MAGI2: variants seen among roughly 807,000 people sequenced by gnomAD.
MAGI2 encodes membrane associated guanylate kinase, WW and PDZ domain containing 2.
Under a neutral mutation model 133.3 loss-of-function variants are expected in MAGI2, and 35 were observed. That is an observed-to-expected ratio of 0.26 (90% CI 0.20 to 0.35). The LOEUF (loss-of-function observed/expected upper bound fraction) is 0.35, where lower values mean the gene tolerates loss of function less well. Among genes scored for constraint, MAGI2 ranks in the 10% least tolerant of loss-of-function variants. MAGI2 has a pLI of 1.00. For missense variants in MAGI2, 1,636 were observed against 1,863.4 expected, an observed-to-expected ratio of 0.88 and a Z score of 2.25; for synonymous variants, 729 against 710.6, an observed-to-expected ratio of 1.03 and a Z score of -0.41.
chr7:78,256,764 C>G (rs557484615), intron 9 of MAGI2, among the ~76,000 whole-genome samples, 183 bp from the exon 10 acceptor site: 1 of 152,158 alleles, frequency 6.6e-6, no homozygotes, highest in Non-Finnish European at 1.5e-5. Context: ...CCAGCAAATA[C>G]AATGATGAAG....
At chr7:78,918,128 G>A (rs1798943240) in intron 2 of MAGI2, among the ~76,000 whole-genome samples, 1 of 151,948 alleles carries the variant, frequency 6.6e-6, no homozygotes, top group Admixed American at 6.6e-5. Flanking sequence ...TACAAACTTG[G>A]GTATGATTTA....
intron 3 of MAGI2, among the ~76,000 whole-genome samples, chr7:78,597,196 AG>A (rs973541477): frequency 2.0e-5 from 3 of 152,192 alleles, no homozygotes; most frequent in Admixed American, 6.5e-5. Context: ...GCCTTTAACT[AG>A]TTATATAAGA....
At chr7:78,284,089 A>G (rs1376654601) in intron 9 of MAGI2, among the ~76,000 whole-genome samples, 1 of 152,152 alleles carries the variant, frequency 6.6e-6, no homozygotes. Context: ...TGTGTCTAAA[A>G]CAGCACAAAC....
chr7:78,955,973 T>G (rs779785885), intron 2 of MAGI2, among the ~76,000 whole-genome samples: 4 of 151,954 alleles, frequency 2.6e-5, no homozygotes, highest in Admixed American at 6.6e-5. Context: ...TATAAACTCC[T>G]TGCTGTTTGT....
At chr7:78,377,107 G>A (rs977517907) in intron 6 of MAGI2, among the ~76,000 whole-genome samples, 9 of 152,060 alleles carry the variant, frequency 5.9e-5, no homozygotes, top group African/African-American at 2.2e-4. Flanking sequence ...CTATTATAGT[G>A]TAAAGGCTGA....
chr7:78,881,447 A>G (rs1402898614), intron 2 of MAGI2, among the ~76,000 whole-genome samples: 5 of 120,080 alleles, frequency 4.2e-5, no homozygotes, highest in Non-Finnish European at 8.7e-5. Flanking sequence ...GGGAGGGGGG[A>G]GGGATAGCAT....
intron 3 of MAGI2, among the ~76,000 whole-genome samples, chr7:78,589,999 CAG>C (rs1803828935): frequency 6.6e-6 from 1 of 152,138 alleles, no homozygotes; most frequent in Admixed American, 6.5e-5. Context: ...GTTCAGAAAA[CAG>C]TGTAAATTGA....
At chr7:79,194,323 T>C (rs1183151462) in intron 1 of MAGI2, among the ~76,000 whole-genome samples, 1 of 152,026 alleles carries the variant, frequency 6.6e-6, no homozygotes, top group South Asian at 2.1e-4. Flanking sequence ...AGCCTAGTGT[T>C]CTACTAGAAA....
At chr7:78,735,046 T>C (rs532956359) in intron 2 of MAGI2, among the ~76,000 whole-genome samples, 1 of 152,346 alleles carries the variant, frequency 6.6e-6, no homozygotes, top group East Asian at 1.9e-4. Flanking sequence ...TTAAATTGGC[T>C]TTTTGTAAAG....
intron 1 of MAGI2, among the ~76,000 whole-genome samples, chr7:79,330,351 G>T (rs1839986054): frequency 6.6e-6 from 1 of 151,404 alleles, no homozygotes; most frequent in African/African-American, 2.4e-5. Flanking sequence ...CTGCCACCAC[G>T]CCCGGCTAAT....
chr7:79,264,442 C>CT (rs2129556691), intron 1 of MAGI2, among the ~76,000 whole-genome samples: 1 of 152,180 alleles, frequency 6.6e-6, no homozygotes, highest in African/African-American at 2.4e-5. Context: ...TGCTCACTTC[C>CT]TTTTTAGAGA....
At position 79,420,061 on chromosome 7, in the gene MAGI2, C is replaced by A. The variant is rs114698147; in HGVS notation, c.301+32959G>T. Reference sequence around the variant, plus strand: ...ACTAAATATAAGACAGCTTTGATTTCTTTGCTGAGGACCATCTAACCTAAT... The same window carrying A: ...ACTAAATATAAGACAGCTTTGATTTATTTGCTGAGGACCATCTAACCTAAT... On this transcript the variant is annotated intron_variant, in intron 1 of 21. Coordinates refer to ENST00000354212, the MANE Select transcript of MAGI2 (RefSeq NM_012301.4). Among the ~76,000 whole-genome samples, 380 of 152,144 alleles carry A rather than the reference C, an allele frequency of 2.5e-3. 2 individuals carry two copies. Among genetic ancestry groups the A allele is most frequent in the African/African-American group, 8.9e-3 (371 of 41,564 alleles).
chr7:78,369,437 C>T lies in MAGI2; in HGVS notation c.1046-224G>A, dbSNP rs10273093. Among the ~76,000 whole-genome samples the T allele has an allele frequency of 2.4e-3, 360 of 152,112 alleles. 2 individuals are homozygous for T. The highest frequency in any genetic ancestry group is 7.7e-3 in the African/African-American group (320 of 41,530). On this transcript the variant is annotated intron_variant, in intron 6 of 21. Transcript: ENST00000354212. ...CTCTCTTCTCTGCAGATACACTGCT[C>T]GGTCTAGCCATTTGTCTCATGCCAA...
At position 78,536,750 on chromosome 7, in the gene MAGI2, T is replaced by G. The variant is rs558979085; in HGVS notation, c.539-15105A>C. Among the ~76,000 whole-genome samples, 262 of 117,232 alleles carry G rather than the reference T, an allele frequency of 2.2e-3. 4 individuals are homozygous for G. In the East Asian group the frequency reaches 0.036, roughly 16 times the overall value. 76.9% of individuals were successfully genotyped at this position (117,232 alleles called of 152,430 possible). ...AAATTTCAATAGTTTTTTTTTTGTTTTTGTTGTTGTTTTTTTTTTTTTTTT... is the reference window on the plus strand; with the variant it reads ...AAATTTCAATAGTTTTTTTTTTGTTGTTGTTGTTGTTTTTTTTTTTTTTTT... On this transcript the variant is annotated intron_variant, in intron 3 of 21. Coordinates refer to ENST00000354212, the MANE Select transcript of MAGI2 (RefSeq NM_012301.4).
intron 2 of MAGI2, among the ~76,000 whole-genome samples, chr7:78,826,118 C>T (rs1413791513): frequency 1.3e-5 from 2 of 151,760 alleles, no homozygotes; most frequent in African/African-American, 2.4e-5. Context: ...TTTGGGAGGC[C>T]GAGGCGGGCA....
At chr7:78,507,569 G>A (rs73376216) in intron 4 of MAGI2, among the ~76,000 whole-genome samples, 1 of 152,118 alleles carries the variant, frequency 6.6e-6, no homozygotes, top group African/African-American at 2.4e-5. Flanking sequence ...AACATGGAGG[G>A]TGGAGAAGAC....
chr7:78,178,493 A>C (rs1826876429), intron 13 of MAGI2, among the ~76,000 whole-genome samples: 1 of 152,120 alleles, frequency 6.6e-6, no homozygotes, highest in Admixed American at 6.6e-5. Context: ...GTAAGAGAGA[A>C]CAGATGGCAA....
intron 1 of MAGI2, among the ~76,000 whole-genome samples, chr7:79,019,867 G>A (rs564900947): frequency 2.6e-5 from 4 of 152,176 alleles, no homozygotes; most frequent in Middle Eastern, 3.4e-3. Flanking sequence ...TTTCTTCATA[G>A]CAGCATGAGA....
At chr7:78,139,634 G>C (rs1822537735) in intron 16 of MAGI2, among the ~76,000 whole-genome samples, 1 of 152,268 alleles carries the variant, frequency 6.6e-6, no homozygotes, top group Non-Finnish European at 1.5e-5. Flanking sequence ...ATCTGTCAGG[G>C]AGCAACATAA....
Sources: gnomAD v4.1 joint callset for allele counts (sites outside exome capture counted in the v4.1 genomes callset) on GRCh38, gnomAD v4.1.1 for gene constraint, MANE v1.5 for transcripts, NCBI Gene and HGNC (gene_info 2026-07-23, HGNC 2026-07-21) for gene names.